Variants in SPOCK3 observed in about 807,000 individuals in gnomAD.
SPOCK3 encodes testican-3.
Under a neutral mutation model 56.6 loss-of-function variants are expected in SPOCK3, and 30 were observed. The observed-to-expected ratio is 0.53, with a 90% confidence interval of 0.40 to 0.72. SPOCK3 has a LOEUF of 0.72. Among genes scored for constraint, SPOCK3 ranks in the 30% least tolerant of loss-of-function variants. The pLI is 0.00. For missense variants in SPOCK3, 527 were observed against 530.0 expected, an observed-to-expected ratio of 0.99 and a Z score of 0.06; for synonymous variants, 196 against 183.3, an observed-to-expected ratio of 1.07 and a Z score of -0.56.
chr4:166,751,394 C>T (rs946735943), intron 8 of SPOCK3, among the ~76,000 whole-genome samples: 13 of 152,058 alleles, frequency 8.5e-5, no homozygotes, highest in Non-Finnish European at 1.6e-4. Flanking sequence ...TGATGTTATT[C>T]GTACTGAATA....
chr4:167,135,679 ACGTGTG>A (rs1482677596), intron 2 of SPOCK3, among the ~76,000 whole-genome samples: 2 of 69,430 alleles, frequency 2.9e-5, no homozygotes, highest in Non-Finnish European at 5.3e-5. Context: ...CCTATATAAA[ACGTGTG>A]TGTGTGTGTG....
intron 7 of SPOCK3, among the ~76,000 whole-genome samples, chr4:166,770,321 T>A (rs553152277): frequency 5.8e-4 from 89 of 152,266 alleles, no homozygotes; most frequent in Admixed American, 1.9e-3. Context: ...TTCGACCATC[T>A]TGGAACCAAG....
chr4:167,229,843 A>G (rs1304060999), intron 2 of SPOCK3, among the ~76,000 whole-genome samples: 3 of 152,114 alleles, frequency 2.0e-5, no homozygotes, highest in African/African-American at 4.8e-5. Context: ...AGGATATTAA[A>G]CATCACTTAA....
At chr4:166,957,499 C>G (rs921240842) in intron 4 of SPOCK3, among the ~76,000 whole-genome samples, 4 of 152,144 alleles carry the variant, frequency 2.6e-5, no homozygotes, top group African/African-American at 9.7e-5. Context: ...ATTTGCAACT[C>G]CATCATTCTA....
intron 2 of SPOCK3, among the ~76,000 whole-genome samples, chr4:167,129,185 A>G (rs1762519247): frequency 6.6e-6 from 1 of 152,238 alleles, no homozygotes. Context: ...CAGATTCTCA[A>G]GTCCTGCCCC....
intron 6 of SPOCK3, among the ~76,000 whole-genome samples, chr4:166,808,067 A>G (rs1415961431): frequency 2.0e-5 from 3 of 152,134 alleles, no homozygotes; most frequent in African/African-American, 4.8e-5. Context: ...GACTCAAGCT[A>G]TATTTGAAAC....
chr4:166,968,519 G>A (rs561999976), intron 4 of SPOCK3, among the ~76,000 whole-genome samples: 3 of 152,274 alleles, frequency 2.0e-5, no homozygotes, highest in African/African-American at 7.2e-5. Flanking sequence ...ACAGACCAAG[G>A]TGCAGCTCAG....
intron 2 of SPOCK3, among the ~76,000 whole-genome samples, chr4:167,155,340 A>T (rs1003659244): frequency 2.0e-5 from 3 of 151,496 alleles, no homozygotes; most frequent in Admixed American, 1.3e-4. Flanking sequence ...CTGGTCTTGA[A>T]CTCCTGACCT....
At chr4:166,766,238 G>C (rs995558910) in intron 7 of SPOCK3, among the ~76,000 whole-genome samples, 3 of 152,154 alleles carry the variant, frequency 2.0e-5, no homozygotes, top group Admixed American at 1.3e-4. Context: ...AATAGGAGTG[G>C]TGAGAGAGAG....
At chr4:167,035,859 A>G (rs1334974560) in intron 3 of SPOCK3, among the ~76,000 whole-genome samples, 6 of 152,072 alleles carry the variant, frequency 3.9e-5, no homozygotes, top group African/African-American at 1.4e-4. Context: ...CACAATTACT[A>G]CTTCTTCCTG....
chr4:166,876,290 C>A (rs1251574829), intron 6 of SPOCK3, among the ~76,000 whole-genome samples: 1 of 152,154 alleles, frequency 6.6e-6, no homozygotes, highest in East Asian at 1.9e-4. Context: ...CATACCGCTG[C>A]GAATGTGACT....
intron 2 of SPOCK3, among the ~76,000 whole-genome samples, chr4:167,084,690 C>T (rs1013938344): frequency 2.6e-5 from 4 of 152,038 alleles, no homozygotes; most frequent in African/African-American, 9.7e-5. Context: ...CTGAGGTGCC[C>T]ACCCTCCTAA....
intron 7 of SPOCK3, among the ~76,000 whole-genome samples, chr4:166,789,082 T>C (rs886092761): frequency 6.6e-6 from 1 of 152,048 alleles, no homozygotes; most frequent in African/African-American, 2.4e-5. Flanking sequence ...CTATATCTTA[T>C]CAGAATATTT....
At chr4:167,133,533 G>A (rs1418167910) in intron 2 of SPOCK3, among the ~76,000 whole-genome samples, 1 of 152,222 alleles carries the variant, frequency 6.6e-6, no homozygotes. Context: ...ATATCCAGTA[G>A]TAGATGTCTT....
intron 3 of SPOCK3, among the ~76,000 whole-genome samples, chr4:167,055,923 C>G (rs1244597275): frequency 6.6e-6 from 1 of 152,124 alleles, no homozygotes; most frequent in African/African-American, 2.4e-5. Flanking sequence ...CTTAAATGTC[C>G]CTGTCTGACA....
chr4:167,198,694 T>G (rs915127348), intron 2 of SPOCK3, among the ~76,000 whole-genome samples: 2 of 152,188 alleles, frequency 1.3e-5, no homozygotes, highest in Non-Finnish European at 2.9e-5. Context: ...CTTTGAATCC[T>G]ACCTCATCTC....
intron 2 of SPOCK3, among the ~76,000 whole-genome samples, chr4:167,081,721 G>T (rs1208915762): frequency 1.3e-5 from 2 of 151,960 alleles, no homozygotes; most frequent in African/African-American, 2.4e-5. Context: ...GGCAAGGAGG[G>T]AGCCAAAAAT....
chr4:167,186,092 G>T (rs1416832417), intron 2 of SPOCK3, among the ~76,000 whole-genome samples: 1 of 152,064 alleles, frequency 6.6e-6, no homozygotes, highest in African/African-American at 2.4e-5. Context: ...TAATTTAGAA[G>T]ACTCCCATAG....
chr4:167,195,651 G>T (rs1732872414), intron 2 of SPOCK3, among the ~76,000 whole-genome samples: 1 of 152,164 alleles, frequency 6.6e-6, no homozygotes. Context: ...CAAAGTGTGG[G>T]TGTGTATGAC....
Sources: allele counts gnomAD v4.1 joint callset (sites outside exome capture counted in the v4.1 genomes callset), GRCh38; gene constraint gnomAD v4.1.1; transcripts MANE v1.5; gene names NCBI Gene and HGNC (gene_info 2026-07-23, HGNC 2026-07-21).